Variants in GOLGA8B observed in about 807,000 individuals in gnomAD.
The protein encoded by GOLGA8B is golgin subfamily A member 8B.
A neutral mutation model predicts 15.6 loss-of-function variants in GOLGA8B; 1 was observed. The observed-to-expected ratio is 0.06, with a 90% CI of 0.02 to 0.30. GOLGA8B has a LOEUF of 0.30. Among genes scored for constraint, GOLGA8B ranks in the 10% least tolerant of loss-of-function variants. The probability of loss-of-function intolerance (pLI) is 1.00; values close to 1 mark genes in which losing one functional copy is unlikely to be tolerated. For missense variants in GOLGA8B, 17 were observed against 201.3 expected, an observed-to-expected ratio of 0.08 and a Z score of 5.54; for synonymous variants, 9 against 80.3, an observed-to-expected ratio of 0.11 and a Z score of 4.75.
At chr15:34,576,091 C>A (rs1255056636) in intron 1 of GOLGA8B, among the ~76,000 whole-genome samples, 1 of 152,118 alleles carries the variant, frequency 6.6e-6, no homozygotes, top group Non-Finnish European at 1.5e-5. Context: ...GTCCCGCACC[C>A]CTTTGTTTCC....
intron 7 of GOLGA8B, among the ~76,000 whole-genome samples, chr15:34,542,591 CTATTT>C (rs375006256): frequency 0.09 from 13,168 of 146,532 alleles, no homozygotes; most frequent in Non-Finnish European, 0.14. Context: ...TATTTTGAGT[CTATTT>C]TGATAGGTAC....
intron 1 of GOLGA8B, among the ~76,000 whole-genome samples, chr15:34,564,599 A>G (rs1412528139): frequency 6.8e-6 from 1 of 146,114 alleles, no homozygotes; most frequent in Non-Finnish European, 1.6e-5. Context: ...TTTAAATGCA[A>G]ATTTCGGAAC....
At chr15:34,578,607 A>G (rs1313874416) in intron 1 of GOLGA8B, among the ~76,000 whole-genome samples, 1 of 152,184 alleles carries the variant, frequency 6.6e-6, no homozygotes, top group East Asian at 1.9e-4. Context: ...CCTCGTCGCG[A>G]AGTTAAGACA....
At position 34,572,482 on chromosome 15, in the gene GOLGA8B, G is replaced by C. The variant is rs1488992998; in HGVS notation, c.-1123+11034C>G. ...TGCTGCTTGCGCAAAGGACAAGGGAGCATCTCTAAGACACACAGCTGGTGA... is the reference window on the plus strand; with the variant it reads ...TGCTGCTTGCGCAAAGGACAAGGGACCATCTCTAAGACACACAGCTGGTGA... On this transcript the variant is annotated intron_variant, in intron 1 of 23. Coordinates refer to ENST00000683415, the MANE Select transcript of GOLGA8B (RefSeq NM_001023567.5). Among the ~76,000 whole-genome samples the C allele has an allele frequency of 7.5e-4, 114 of 151,678 alleles. 1 individual carries two copies. The highest frequency in any genetic ancestry group is 6.5e-4 in the African/African-American group (27 of 41,460).
intron 6 of GOLGA8B, among the ~76,000 whole-genome samples, 193 bp downstream of exon 6, chr15:34,545,185 T>A (rs1265192993): frequency 8.8e-6 from 1 of 113,882 alleles, no homozygotes; most frequent in Non-Finnish European, 1.7e-5. Flanking sequence ...TCACTCTTAA[T>A]GCCTATCCCA....
At chr15:34,581,136 G>T (rs1186359474) in intron 1 of GOLGA8B, among the ~76,000 whole-genome samples, 2 of 152,218 alleles carry the variant, frequency 1.3e-5, no homozygotes, top group Non-Finnish European at 2.9e-5. Flanking sequence ...GACAGTAAAG[G>T]TTTCTCCAAG....
chr15:34,564,275 T>C (rs568650020), intron 1 of GOLGA8B, among the ~76,000 whole-genome samples: 5 of 145,206 alleles, frequency 3.4e-5, no homozygotes, highest in South Asian at 4.4e-4. Flanking sequence ...GAGTGAGTCT[T>C]TGACTGCCAT....
chr15:34,574,226 T>C (rs181726676), intron 1 of GOLGA8B, among the ~76,000 whole-genome samples: 4 of 152,180 alleles, frequency 2.6e-5, no homozygotes, highest in African/African-American at 7.2e-5. Context: ...ATCAAGATGA[T>C]ACAAAGGTCT....
intron 1 of GOLGA8B, chr15:34,566,412 G>C (rs980831849): frequency 2.1e-5 from 3 of 144,174 alleles, no homozygotes; most frequent in African/African-American, 7.5e-5. Context: ...CCAGGAGAGC[G>C]GTGTCAGGCA....
At chr15:34,580,785 T>C (rs201615553) in intron 1 of GOLGA8B, among the ~76,000 whole-genome samples, 5 of 152,068 alleles carry the variant, frequency 3.3e-5, no homozygotes, top group Non-Finnish European at 5.9e-5. Context: ...CCCCAGCCCC[T>C]GCCAGGCACA....
At chr15:34,581,163 T>C (rs1889221203) in intron 1 of GOLGA8B, among the ~76,000 whole-genome samples, 1 of 152,194 alleles carries the variant, frequency 6.6e-6, no homozygotes, top group Non-Finnish European at 1.5e-5. Context: ...GACCATGGTG[T>C]CACCTGAGGC....
At chr15:34,578,401 T>G (rs927704141) in intron 1 of GOLGA8B, among the ~76,000 whole-genome samples, 1 of 152,170 alleles carries the variant, frequency 6.6e-6, no homozygotes, top group Admixed American at 6.5e-5. Context: ...GCCCCTGTAC[T>G]TGCCCACCAA....
chr15:34,573,264 C>A (rs1888970490), intron 1 of GOLGA8B, among the ~76,000 whole-genome samples: 1 of 152,102 alleles, frequency 6.6e-6, no homozygotes, highest in Non-Finnish European at 1.5e-5. Flanking sequence ...TTAGGCCGGG[C>A]ATGGTGGCTC....
chr15:34,552,086 G>A (rs1463017872), intron 3 of GOLGA8B, among the ~76,000 whole-genome samples: 1 of 114,680 alleles, frequency 8.7e-6, no homozygotes, highest in Non-Finnish European at 1.8e-5. Flanking sequence ...ATTATTTAGA[G>A]AGGTGGAAAA....
chr15:34,583,352 GCGGCGGCCTCCCCGCAGCCCCGCCGAGTC>G (rs1383771006), intron 1 of GOLGA8B, among the ~76,000 whole-genome samples, 135 bp downstream of exon 1: 7 of 152,066 alleles, frequency 4.6e-5, no homozygotes, highest in Non-Finnish European at 1.0e-4. Context: ...CTAGATCCCA[GCGGCGGCCTCCCCGCAGCCCCGCCGAGTC>G]CGGGGGGCAG....
At chr15:34,577,858 G>C (rs989296709) in intron 1 of GOLGA8B, among the ~76,000 whole-genome samples, 4 of 152,198 alleles carry the variant, frequency 2.6e-5, no homozygotes, top group Non-Finnish European at 5.9e-5. Flanking sequence ...GCTCCGGTGA[G>C]TCAGTCTGTA....
chr15:34,573,067 C>G lies in GOLGA8B; in HGVS notation c.-1123+10449G>C, dbSNP rs188587279. Among the ~76,000 whole-genome samples, 154 of 152,316 alleles carry G rather than the reference C, an allele frequency of 1.0e-3. 3 individuals are homozygous for G. The East Asian group carries it at 0.015, about 15-fold the overall frequency. ...GAGTTCAAGTCCAGCCTAGAGACAA[C>G]ATAGCAACACCTCCATCTCAAAATG... On this transcript the variant is annotated intron_variant, in intron 1 of 23. Transcript: ENST00000683415.
chr15:34,576,960 A>G (rs7174350), intron 1 of GOLGA8B, among the ~76,000 whole-genome samples: 51,206 of 145,202 alleles, frequency 0.35, 9,746 homozygotes, highest in Admixed American at 0.45. Flanking sequence ...TCCATCCATA[A>G]TAACTCAGTG....
chr15:34,562,583 T>C (rs1306118304), intron 1 of GOLGA8B, among the ~76,000 whole-genome samples: 1 of 133,606 alleles, frequency 7.5e-6, no homozygotes, highest in Non-Finnish European at 1.7e-5. Flanking sequence ...GCATGTCTTT[T>C]TTCTTTAATA....
Sources: allele counts gnomAD v4.1 joint callset (sites outside exome capture counted in the v4.1 genomes callset), GRCh38; gene constraint gnomAD v4.1.1; transcripts MANE v1.5; gene names NCBI Gene and HGNC (gene_info 2026-07-23, HGNC 2026-07-21).